The following STAT4 variants were observed in gnomAD, a reference collection of about 807,000 sequenced individuals.
STAT4 encodes the protein signal transducer and activator of transcription 4.
A neutral mutation model predicts 110.5 loss-of-function variants in STAT4; 42 were observed. The observed-to-expected ratio is 0.38, with a 90% CI of 0.30 to 0.49. The LOEUF (loss-of-function observed/expected upper bound fraction) is 0.49. Ranked by LOEUF, STAT4 falls within the 20% of genes least tolerant of loss-of-function variation. The pLI is 0.95. For synonymous variants in STAT4, 284 were observed against 302.2 expected (o/e 0.94, Z 0.63); for missense variants, 632 against 887.9 (o/e 0.71, Z 3.66).
chr2:191,120,854 G>A (rs1317945887), intron 3 of STAT4, among the ~76,000 whole-genome samples: 2 of 152,250 alleles, frequency 1.3e-5, no homozygotes, highest in East Asian at 3.9e-4. Context: ...TCAGGACATA[G>A]GCATGGGCAA....
chr2:191,108,743 G>A (rs1202606842), intron 3 of STAT4, among the ~76,000 whole-genome samples: 1 of 152,196 alleles, frequency 6.6e-6, no homozygotes, highest in Non-Finnish European at 1.5e-5. Context: ...TTCTGTGGTT[G>A]GGCCTGACGG....
chr2:191,139,818 A>G (rs996430240), intron 3 of STAT4, among the ~76,000 whole-genome samples: 4 of 152,242 alleles, frequency 2.6e-5, no homozygotes, highest in African/African-American at 9.6e-5. Context: ...CAAAAAGAAC[A>G]AATCTGGAGA....
At chr2:191,134,831 A>G (rs746899951) in intron 3 of STAT4, among the ~76,000 whole-genome samples, 6 of 152,236 alleles carry the variant, frequency 3.9e-5, no homozygotes, top group Non-Finnish European at 7.3e-5. Flanking sequence ...CTGGATAATC[A>G]TTGCATCAAG....
At chr2:191,114,222 G>T (rs568365485) in intron 3 of STAT4, among the ~76,000 whole-genome samples, 1 of 152,260 alleles carries the variant, frequency 6.6e-6, no homozygotes, top group Admixed American at 6.5e-5. Context: ...GTTGGCCAAG[G>T]CATAAAATTT....
intron 3 of STAT4, among the ~76,000 whole-genome samples, chr2:191,080,924 T>C (rs1272503468): frequency 6.6e-6 from 1 of 152,216 alleles, no homozygotes; most frequent in African/African-American, 2.4e-5. Context: ...ACATGTGCCA[T>C]GATGGTTTGC....
intron 3 of STAT4, among the ~76,000 whole-genome samples, chr2:191,080,978 C>T (rs1458148455): frequency 1.3e-5 from 2 of 152,170 alleles, no homozygotes; most frequent in Admixed American, 6.6e-5. Flanking sequence ...TCTCCTAATG[C>T]TATCCCTTCC....
At chr2:191,095,794 AC>A (rs1697954731) in intron 3 of STAT4, among the ~76,000 whole-genome samples, 1 of 152,174 alleles carries the variant, frequency 6.6e-6, no homozygotes, top group Admixed American at 6.5e-5. Flanking sequence ...AGAGACACAC[AC>A]AAAAAAATCC....
intron 14 of STAT4, among the ~76,000 whole-genome samples, chr2:191,048,343 T>C (rs879282497): frequency 1.3e-5 from 2 of 152,164 alleles, no homozygotes; most frequent in Non-Finnish European, 2.9e-5. Flanking sequence ...TCTGACCAAA[T>C]AAAGCATTAT....
intron 15 of STAT4, among the ~76,000 whole-genome samples, chr2:191,040,026 A>G (rs151073741): frequency 1.3e-5 from 2 of 152,340 alleles, no homozygotes; most frequent in African/African-American, 4.8e-5. Context: ...GAAGGAATCT[A>G]TGAAAGCTTT....
At position 191,060,915 on chromosome 2, in the gene STAT4, A is replaced by G. The variant is rs1696830343; in HGVS notation, c.1034+814T>C. 6.6e-6 allele frequency among the ~76,000 whole-genome samples: 1 copy of G among 152,192 alleles called. No individual in the cohort carries two copies. The highest frequency in any genetic ancestry group is 1.5e-5 in the Non-Finnish European group (1 of 68,036). Reference sequence around the variant, plus strand: ...CAGCAACCTTATCATAGAACCCTAAACTGCTCTGTACCATGGCATCACCAC... The same window carrying G: ...CAGCAACCTTATCATAGAACCCTAAGCTGCTCTGTACCATGGCATCACCAC... On this transcript the variant is annotated intron_variant, in intron 10 of 23. Transcript: ENST00000392320. This position sits in a 1 kb window ranked among gnomAD's most constrained non-coding sequence, Gnocchi z 4.5.
Position 191,119,230 on chromosome 2 carries a change from C to T in STAT4, c.273+27383G>A, listed in dbSNP as rs73982619. On this transcript the variant is annotated intron_variant, in intron 3 of 23. Transcript: ENST00000392320. The stretch of plus-strand genomic sequence containing the variant: ...CAATTAGTAGGTGAATTAAAATATG[C>T]TAAAAAGGGTCCCGAAAGATGGGAC... Among the ~76,000 whole-genome samples, 1,521 of 152,232 alleles carry T rather than the reference C, an allele frequency of 1.0e-2. 36 individuals carry two copies. Among genetic ancestry groups the T allele is most frequent in the African/African-American group, 0.035 (1,441 of 41,522 alleles).
At chr2:191,076,024 T>C in intron 4 of STAT4, 1 of 208,376 alleles carries the variant, frequency 4.8e-6, no homozygotes, top group Middle Eastern at 1.3e-3. Context: ...TAATTTTTAA[T>C]TTTTTTTTTT....
In STAT4 at chr2:191,083,113, CA is replaced by C. The variant is rs1409101545; in HGVS notation, c.274-6789del. Among the ~76,000 whole-genome samples the C allele has an allele frequency of 6.6e-6, 1 of 152,202 alleles. No homozygotes were observed. The highest frequency in any genetic ancestry group is 1.5e-5 in the Non-Finnish European group (1 of 68,034). On this transcript the variant is annotated intron_variant, in intron 3 of 23. Coordinates refer to ENST00000392320, the MANE Select transcript of STAT4 (RefSeq NM_003151.4). The surrounding 1 kb of genome is among the most constrained non-coding windows in gnomAD (Gnocchi z 4.6). ...GGATTCTGAGGAAACACATAACCAA[CA>C]ACTGTCCTAGCTTGGGTTTCTTCAG... is the stretch of plus-strand genomic sequence containing the variant.
At chr2:191,056,370 A>T (rs116037653) in intron 13 of STAT4, among the ~76,000 whole-genome samples, 3,674 of 152,326 alleles carry the variant, frequency 0.024, 58 homozygotes, top group Non-Finnish European at 0.032. Flanking sequence ...TGGTAAAAGC[A>T]AGAAGCAACA....
chr2:191,036,839 T>C (rs1174209252), intron 16 of STAT4, among the ~76,000 whole-genome samples: 3 of 152,222 alleles, frequency 2.0e-5, no homozygotes, highest in Non-Finnish European at 4.4e-5. Flanking sequence ...CAATTACGCT[T>C]ATGACACTGT....
At chr2:191,141,683 T>C (rs565264996) in intron 3 of STAT4, among the ~76,000 whole-genome samples, 1 of 151,224 alleles carries the variant, frequency 6.6e-6, no homozygotes, top group Non-Finnish European at 1.5e-5. Context: ...CAGGCTGGAG[T>C]GCAGTGGCAC....
rs1696781183 is a variant in STAT4, at chr2:191,059,064, A to AT, written c.1035-296_1035-295insA. 6.6e-6 allele frequency among the ~76,000 whole-genome samples: 1 copy of AT among 152,138 alleles called. No homozygotes were observed. Among genetic ancestry groups the AT allele is most frequent in the Non-Finnish European group, 1.5e-5 (1 of 68,024 alleles). On this transcript the variant is annotated intron_variant, in intron 10 of 23. Transcript: ENST00000392320. The surrounding 1 kb of genome is among the most constrained non-coding windows in gnomAD (Gnocchi z 4.7). Reference sequence around the variant, plus strand: ...ACGTTGGCCAGGTCAGAAAAAAAAAAGCTATATATTTTGGCTAAAGCTCAA... The same window carrying AT: ...ACGTTGGCCAGGTCAGAAAAAAAAAATGCTATATATTTTGGCTAAAGCTCAA...
At chr2:191,080,451 C>G (rs780495612) in intron 3 of STAT4, among the ~76,000 whole-genome samples, 1 of 152,140 alleles carries the variant, frequency 6.6e-6, no homozygotes, top group South Asian at 2.1e-4. Context: ...TCAAGCATGA[C>G]AGCAATGCAT....
At chr2:191,093,054 T>C (rs1430545647) in intron 3 of STAT4, among the ~76,000 whole-genome samples, 1 of 152,176 alleles carries the variant, frequency 6.6e-6, no homozygotes, top group East Asian at 1.9e-4. Flanking sequence ...AAGTTTGAAC[T>C]GGGCGGATCC....
Sources: allele counts gnomAD v4.1 joint callset (sites outside exome capture counted in the v4.1 genomes callset), GRCh38; gene constraint gnomAD v4.1.1; non-coding constraint Gnocchi (gnomAD v3.1); transcripts MANE v1.5; gene names NCBI Gene and HGNC (gene_info 2026-07-23, HGNC 2026-07-21).